Variants in CLK1 observed in about 807,000 individuals in gnomAD.
CLK1 encodes dual specificity protein kinase CLK1.
CLK1 carries 40 observed loss-of-function variants against 60.9 expected under a neutral mutation model. That is an observed-to-expected ratio of 0.66 (90% confidence interval 0.51 to 0.86). The LOEUF (loss-of-function observed/expected upper bound fraction) is 0.86. CLK1 is among the 40% of genes least tolerant of loss of function. The probability of loss-of-function intolerance (pLI) is 0.00; values close to 1 mark genes in which losing one functional copy is unlikely to be tolerated. For missense variants in CLK1, 563 were observed against 606.1 expected (o/e 0.93, Z 0.75); for synonymous variants, 203 against 184.4 (o/e 1.10, Z -0.82).
chr2:200,855,623 C>CG (rs931657900), intron 9 of CLK1, among the ~76,000 whole-genome samples: 2 of 147,332 alleles, frequency 1.4e-5, no homozygotes, highest in East Asian at 4.2e-4. Context: ...AGACTCCGCC[C>CG]CCCCCCCAAA....
intron 9 of CLK1, 93 bp downstream of exon 9, chr2:200,856,589 A>G: frequency 9.8e-7 from 1 of 1,015,276 alleles, no homozygotes; most frequent in Non-Finnish European, 1.5e-6. Flanking sequence ...AGAGAATATG[A>G]TAAAGCCCCA....
chr2:200,854,663 C>T lies in CLK1; in HGVS notation c.1173G>A (p.Met391Ile). 1 of 1,609,878 alleles carries T rather than the reference C, an allele frequency of 6.2e-7. No individual in the cohort carries two copies. The highest frequency in any genetic ancestry group is 8.5e-7 in the Non-Finnish European group (1 of 1,176,326). ...THDSKEHLAM[M>I]ERILGPLPKH... ...TTGGTAGAGGTCCAAGAATCCTTTC[C>T]ATCATTGCTAAATGCTCCTTACTAT... The change falls in exon 11 of 13, where the codon ATG becomes ATA. Residue 391 changes from methionine to isoleucine, a missense_variant. Physicochemically the swap from Met to Ile is conservative, Grantham distance 10 (BLOSUM62 1). Around this residue, in one of 3 missense-constraint regions of CLK1, gnomAD observed 360 missense variants for 407.0 expected, o/e 0.88. Transcript: ENST00000321356.
chr2:200,864,379 A>G, intron 1 of CLK1, 185 bp downstream of exon 1: 2 of 1,098,278 alleles, frequency 1.8e-6, no homozygotes, highest in Middle Eastern at 3.1e-4. Flanking sequence ...TCCGGCGGCG[A>G]CAGGCTCGGC....
At chr2:200,857,697 G>T (rs372875143) in intron 7 of CLK1, 21 bp downstream of exon 7, 31 of 1,553,296 alleles carry the variant, frequency 2.0e-5, no homozygotes, top group Non-Finnish European at 2.6e-5. Context: ...GCAAATTAAC[G>T]AAGATATACC....
intron 9 of CLK1, among the ~76,000 whole-genome samples, chr2:200,855,552 T>C (rs928956386): frequency 2.0e-5 from 3 of 151,466 alleles, no homozygotes; most frequent in Non-Finnish European, 2.9e-5. Flanking sequence ...GTGAACCCCA[T>C]AGGCGGAGCT....
rs1462459204 is a variant in CLK1, at chr2:200,853,945, A to AC, written c.1268dup (p.Ser423ArgfsTer12). On this transcript the variant is annotated frameshift_variant, in exon 12 of 13. Coordinates refer to ENST00000321356, the MANE Select transcript of CLK1 (RefSeq NM_004071.4). LOFTEE classifies it high-confidence loss of function. ...GTCTTGAAACATATCTGCCGGCAGA[A>AC]CTGTGTTCATCCCAGTCTAATCGAT... The AC allele has an allele frequency of 1.9e-6, 3 of 1,612,800 alleles. No homozygotes were observed. Among genetic ancestry groups the AC allele is most frequent in the Non-Finnish European group, 2.5e-6 (3 of 1,179,416 alleles).
At chr2:200,860,022 C>CAAA in intron 4 of CLK1, 103 bp downstream of exon 4, 1 of 1,493,238 alleles carries the variant, frequency 6.7e-7, no homozygotes, top group African/African-American at 1.4e-5. Context: ...AAAACAAAAA[C>CAAA]AAAAAAGAGA....
intron 1 of CLK1, chr2:200,864,211 T>C (rs2105744939): frequency 6.5e-7 from 1 of 1,548,940 alleles, no homozygotes; most frequent in Non-Finnish European, 8.7e-7. Flanking sequence ...GAAGCCGGCC[T>C]CCGCCCAGCC....
intron 6 of CLK1, 26 bp from the exon 7 acceptor site, chr2:200,857,910 G>C: frequency 6.2e-7 from 1 of 1,612,112 alleles, no homozygotes; most frequent in Non-Finnish European, 8.5e-7. Flanking sequence ...AAATAGCTAA[G>C]TATAGTTGCT....
chr2:200,859,780 G>A, intron 4 of CLK1, 34 bp from the exon 5 acceptor site: 1 of 1,609,204 alleles, frequency 6.2e-7, no homozygotes, highest in Non-Finnish European at 8.5e-7. Context: ...GTCATATCAA[G>A]AAGTGGAAAC....
Position 200,857,751 on chromosome 2 carries a change from T to C in CLK1, c.799A>G (p.Lys267Glu), listed in dbSNP as rs759359837. The C allele has an allele frequency of 1.9e-6, 3 of 1,607,060 alleles. No individual in the cohort carries two copies. Among genetic ancestry groups the C allele is most frequent in the South Asian group, 1.1e-5 (1 of 89,590 alleles). ...GACTTGCATATCTGATATGCCATCT[T>C]TCTGATATGATCCAGTCGAAATGGT... ...FLPFRLDHIRKMAYQICKSVN... is the reference protein window; with the variant it reads ...FLPFRLDHIREMAYQICKSVN... Residue 267 changes from lysine to glutamate, a missense_variant, in exon 7 of 13, where the codon AAG becomes GAG. Coordinates refer to ENST00000321356, the MANE Select transcript of CLK1 (RefSeq NM_004071.4).
At chr2:200,864,197 G>C (rs1307608586) in intron 1 of CLK1, 11 of 1,550,034 alleles carry the variant, frequency 7.1e-6, no homozygotes, top group Non-Finnish European at 8.7e-6. Flanking sequence ...CCGGCCACAG[G>C]GCCGAAGCCG....
intron 11 of CLK1, 63 bp from the exon 12 acceptor site, chr2:200,854,056 G>A: frequency 1.8e-6 from 2 of 1,081,810 alleles, no homozygotes; most frequent in Non-Finnish European, 1.4e-6. Flanking sequence ...GCTAGCAAAG[G>A]TATCAATTAC....
chr2:200,858,257 T>A lies in CLK1; in HGVS notation c.549-168A>T, dbSNP rs182075116. On this transcript the variant is annotated intron_variant, in intron 5 of 12. Coordinates refer to ENST00000321356, the MANE Select transcript of CLK1 (RefSeq NM_004071.4). ...TGCTGAATGACACAAATTTCTTTCA[T>A]CAAACCACCACTCACATGAGTTATT... is the stretch of plus-strand genomic sequence containing the variant. The A allele has an allele frequency of 3.4e-5, 21 of 620,198 alleles. No individual in the cohort carries two copies. In the East Asian group the frequency reaches 5.4e-4, roughly 16 times the overall value. 38.4% of individuals were successfully genotyped at this position (620,198 alleles called of 1,614,324 possible). A position where few individuals can be genotyped will look rare whatever the true frequency, so the allele number is the denominator to read the frequency against.
At position 200,857,889 on chromosome 2, in the gene CLK1, A is replaced by T; in HGVS notation, c.666-5T>A. On this transcript the variant is annotated splice_polypyrimidine_tract_variant and splice_region_variant and intron_variant, in intron 6 of 12. Coordinates refer to ENST00000321356, the MANE Select transcript of CLK1 (RefSeq NM_004071.4). ...TCCAACATCTGGACACAGCGGCTAC[A>T]AACACATGAAAAATAGCTAAGTATA... 1.2e-6 allele frequency: 2 copies of T among 1,612,268 alleles called. No homozygotes were observed. The highest frequency in any genetic ancestry group is 1.7e-6 in the Non-Finnish European group (2 of 1,178,836).
At position 200,856,743 on chromosome 2, in the gene CLK1, A is replaced by C; in HGVS notation, c.996T>G (p.Asp332Glu). The change falls in exon 9 of 13, where the codon GAT becomes GAG. Residue 332 changes from aspartate to glutamate, a missense_variant. This residue lies in a region of CLK1 where 360 missense variants were observed against 407.0 expected (regional missense o/e 0.88). Transcript: ENST00000321356. ...ATACCAATGTACTGTGATGTTCGTC[A>C]TCATATGTTGCACTACCAAAGTCTA... ...KVVDFGSATY[D>E]DEHHSTLVST... 6.2e-7 allele frequency: 1 copy of C among 1,613,410 alleles called. No homozygotes were observed.
At position 200,864,573 on chromosome 2, in the gene CLK1, CAA is replaced by C. The variant is rs1195992083; in HGVS notation, c.-12_-11del. 8 of 251,568 alleles carry C rather than the reference CAA, an allele frequency of 3.2e-5. No homozygotes were observed. In the East Asian group the frequency reaches 6.9e-4, roughly 22 times the overall value. The allele number at this position is 251,568 out of a possible 1,614,324, so 15.6% of individuals were successfully genotyped here. A position where few individuals can be genotyped will look rare whatever the true frequency, so the allele number is the denominator to read the frequency against. ...CCCTCCTGCGTCTTACCGTCCTGGA[CAA>C]AGACTCCAAGTCGAAGGAGACAAAG... On this transcript the variant is annotated 5_prime_UTR_variant, in exon 1 of 13. Transcript: ENST00000321356.
Position 200,856,726 on chromosome 2 carries a change from G to C in CLK1, c.1013C>G (p.Thr338Arg), listed in dbSNP as rs376746358. Reference sequence around the variant, plus strand: ...TCTATAATGTCTTGTAGATACCAATGTACTGTGATGTTCGTCATCATATGT... The same window carrying C: ...TCTATAATGTCTTGTAGATACCAATCTACTGTGATGTTCGTCATCATATGT... The part of the protein sequence containing the change: ...SATYDDEHHS[T>R]LVSTRHYRAP... Residue 338 changes from threonine to arginine, a missense_variant, in exon 9 of 13, where the codon ACA (threonine) becomes AGA (arginine). Transcript: ENST00000321356. 1 of 1,612,444 alleles carries C rather than the reference G, an allele frequency of 6.2e-7. No individual in the cohort carries two copies. The highest frequency in any genetic ancestry group is 1.7e-5 in the Admixed American group (1 of 59,898).
rs2039019309 is a variant in CLK1, at chr2:200,855,232, T to C, written c.1058-146A>G. 6.7e-6 allele frequency: 4 copies of C among 593,546 alleles called. No individual in the cohort carries two copies. The South Asian group carries it at 6.8e-5, about 10-fold the overall frequency. 36.8% of individuals were successfully genotyped at this position (593,546 alleles called of 1,614,324 possible). On this transcript the variant is annotated intron_variant, in intron 9 of 12. Transcript: ENST00000321356. ...GGCTCACACCTGTAATCCCAGCACT[T>C]TGGGAGGCCAAGATGGGAGAACTGC...
Sources: gnomAD v4.1 joint callset for allele counts (sites outside exome capture counted in the v4.1 genomes callset) on GRCh38, gnomAD v4.1.1 for gene constraint, gnomAD v4.1.1 regional missense constraint, MANE v1.5 for transcripts, NCBI Gene and HGNC (gene_info 2026-07-23, HGNC 2026-07-21) for gene names.